The following IQSEC1 variants were observed in gnomAD, a reference collection of about 807,000 sequenced individuals.
The protein encoded by IQSEC1 is IQ motif and Sec7 domain ArfGEF 1.
IQSEC1 carries 31 observed loss-of-function variants against 91.0 expected under a neutral mutation model. That is an observed-to-expected ratio of 0.34 (90% CI 0.26 to 0.46). The LOEUF (loss-of-function observed/expected upper bound fraction) is 0.46. IQSEC1 is among the 20% of genes least tolerant of loss of function. IQSEC1 has a pLI of 1.00. For missense variants in IQSEC1, 1,388 were observed against 1,575.6 expected (o/e 0.88, Z 2.02); for synonymous variants, 699 against 662.6 (o/e 1.05, Z -0.84).
At chr3:13,079,148 G>A (rs1428540323) in intron 2 of IQSEC1, among the ~76,000 whole-genome samples, 2 of 152,228 alleles carry the variant, frequency 1.3e-5, no homozygotes, top group Non-Finnish European at 2.9e-5. Context: ...GCCTGTGGAG[G>A]CTGAGTCAGC....
chr3:13,251,222 TC>T (rs1408558102), intron 1 of IQSEC1, among the ~76,000 whole-genome samples: 1 of 152,166 alleles, frequency 6.6e-6, no homozygotes, highest in Non-Finnish European at 1.5e-5. Flanking sequence ...TTGCTTCCAT[TC>T]CATCTAACAT....
chr3:12,941,530 CT>C, intron 2 of IQSEC1, 40 bp downstream of exon 2: 1 of 1,496,362 alleles, frequency 6.7e-7, no homozygotes, highest in Non-Finnish European at 9.0e-7. Flanking sequence ...CAGAGCTGCC[CT>C]GCGCTTGCAT....
intron 1 of IQSEC1, among the ~76,000 whole-genome samples, chr3:13,024,337 C>T (rs1435188999): frequency 6.6e-6 from 1 of 151,928 alleles, no homozygotes; most frequent in Non-Finnish European, 1.5e-5. Context: ...ATCCATCCAT[C>T]TGTTCCCTCA....
Position 12,898,426 on chromosome 3 carries a change from G to C in IQSEC1, c.*2557C>G, listed in dbSNP as rs530570524. On this transcript the variant is annotated 3_prime_UTR_variant, in exon 14 of 14. Coordinates refer to ENST00000613206, the MANE Select transcript of IQSEC1 (RefSeq NM_001134382.3). Reference sequence around the variant, plus strand: ...CCCGGGAAGGGCTCAGTGGGTTCCAGCAGTTCCTTACGCGAGGCCCTGCTG... The same window carrying C: ...CCCGGGAAGGGCTCAGTGGGTTCCACCAGTTCCTTACGCGAGGCCCTGCTG... 2 of 152,398 alleles carry C rather than the reference G, an allele frequency of 1.3e-5. No individual in the cohort carries two copies. The highest frequency in any genetic ancestry group is 4.1e-4 in the South Asian group (2 of 4,832). The allele number at this position is 152,398 out of a possible 1,614,324, so 9.4% of individuals were successfully genotyped here. A position where few individuals can be genotyped will look rare whatever the true frequency, so the allele number is the denominator to read the frequency against.
chr3:12,974,659 C>T (rs969296634), intron 1 of IQSEC1, among the ~76,000 whole-genome samples: 18 of 152,244 alleles, frequency 1.2e-4, no homozygotes, highest in African/African-American at 2.9e-4. Flanking sequence ...CTGCCTCTAT[C>T]GGTAGAGGAC....
At chr3:13,038,968 G>C (rs1704149875) in intron 1 of IQSEC1, among the ~76,000 whole-genome samples, 1 of 152,258 alleles carries the variant, frequency 6.6e-6, no homozygotes, top group African/African-American at 2.4e-5. Flanking sequence ...GCTTAGCTCT[G>C]GGGAAGCAGG....
At chr3:12,939,892 G>A (rs983967690) in intron 2 of IQSEC1, among the ~76,000 whole-genome samples, 2 of 152,168 alleles carry the variant, frequency 1.3e-5, no homozygotes, top group Non-Finnish European at 2.9e-5. Flanking sequence ...ACTTGCTCCT[G>A]TCCAGCTCCT....
chr3:13,119,510 G>A (rs1256539272), intron 2 of IQSEC1, among the ~76,000 whole-genome samples: 1 of 152,262 alleles, frequency 6.6e-6, no homozygotes, highest in African/African-American at 2.4e-5. Context: ...GTTTAATGGA[G>A]CAGTATCAAT....
chr3:12,929,323 C>T (rs1372182169), intron 3 of IQSEC1, among the ~76,000 whole-genome samples: 1 of 152,202 alleles, frequency 6.6e-6, no homozygotes, highest in Non-Finnish European at 1.5e-5. Context: ...AGAACTCACC[C>T]GGGGTGATGC....
At position 12,922,646 on chromosome 3, in the gene IQSEC1, T is replaced by G. The variant is rs1575917226; in HGVS notation, c.1731-404A>C. Among the ~76,000 whole-genome samples the G allele has an allele frequency of 6.6e-6, 1 of 152,008 alleles. No individual in the cohort carries two copies. The highest frequency in any genetic ancestry group is 2.4e-5 in the African/African-American group (1 of 41,376). On this transcript the variant is annotated intron_variant, in intron 4 of 13. Coordinates refer to ENST00000613206, the MANE Select transcript of IQSEC1 (RefSeq NM_001134382.3). This position sits in a 1 kb window ranked among gnomAD's most constrained non-coding sequence, Gnocchi z 5.1. ...GGGGAGTTTGCTGCCATTTTCACAG[T>G]GAGGAAAGGGGCGCCCAGGGTGTTG... is the stretch of plus-strand genomic sequence containing the variant.
chr3:13,064,015 A>C (rs1244187988), intron 1 of IQSEC1, among the ~76,000 whole-genome samples: 1 of 149,984 alleles, frequency 6.7e-6, no homozygotes, highest in Non-Finnish European at 1.5e-5. Context: ...AAAAAAAAAA[A>C]CAAAAAACAA....
chr3:13,257,311 C>G (rs1240131195), intron 1 of IQSEC1, among the ~76,000 whole-genome samples: 1 of 152,220 alleles, frequency 6.6e-6, no homozygotes, highest in Non-Finnish European at 1.5e-5. Flanking sequence ...GACAGACAGA[C>G]AGACATTCTC....
At chr3:12,987,810 C>T (rs1489560665) in intron 1 of IQSEC1, among the ~76,000 whole-genome samples, 1 of 152,200 alleles carries the variant, frequency 6.6e-6, no homozygotes, top group Admixed American at 6.5e-5. Context: ...ATGATGAAAT[C>T]CAAACAGCCA....
At chr3:12,936,747 C>CT in intron 2 of IQSEC1, 50 bp from the exon 3 acceptor site, 2 of 1,465,116 alleles carry the variant, frequency 1.4e-6, no homozygotes, top group South Asian at 2.7e-5. Context: ...AGGCACAGTG[C>CT]GACATTTACC....
At chr3:13,256,173 G>C (rs1695281739) in intron 1 of IQSEC1, among the ~76,000 whole-genome samples, 1 of 152,228 alleles carries the variant, frequency 6.6e-6, no homozygotes, top group African/African-American at 2.4e-5. Flanking sequence ...CAGAGTTTCT[G>C]TCTGGGATGC....
At chr3:13,133,861 T>A (rs535396078) in intron 2 of IQSEC1, among the ~76,000 whole-genome samples, 4 of 152,078 alleles carry the variant, frequency 2.6e-5, no homozygotes, top group African/African-American at 9.7e-5. Flanking sequence ...GAGACCTCCA[T>A]AGGACAAGGA....
chr3:13,011,853 G>A (rs967021333), intron 1 of IQSEC1, among the ~76,000 whole-genome samples: 1 of 152,204 alleles, frequency 6.6e-6, no homozygotes, highest in Non-Finnish European at 1.5e-5. Context: ...ATCTATCCCT[G>A]CCATGGGTAA....
intron 12 of IQSEC1, among the ~76,000 whole-genome samples, chr3:12,904,055 C>T (rs925044338): frequency 1.6e-4 from 24 of 152,218 alleles, no homozygotes; most frequent in African/African-American, 5.5e-4. Flanking sequence ...CTGGGCCTCC[C>T]CACTGTGCCC....
At chr3:13,168,761 C>T (rs1693547510) in intron 1 of IQSEC1, among the ~76,000 whole-genome samples, 1 of 152,164 alleles carries the variant, frequency 6.6e-6, no homozygotes, top group African/African-American at 2.4e-5. Context: ...ATTTCAGTGG[C>T]TCCATCTTCT....
Sources: allele counts gnomAD v4.1 joint callset (sites outside exome capture counted in the v4.1 genomes callset), GRCh38; gene constraint gnomAD v4.1.1; non-coding constraint Gnocchi (gnomAD v3.1); transcripts MANE v1.5; gene names NCBI Gene and HGNC (gene_info 2026-07-23, HGNC 2026-07-21).